Variants in TTLL7 observed in about 807,000 individuals in gnomAD.
TTLL7 encodes tubulin tyrosine ligase like 7.
TTLL7 carries 53 observed loss-of-function variants against 120.2 expected under a neutral mutation model. The observed-to-expected ratio is 0.44, with a 90% CI of 0.35 to 0.55. The LOEUF (loss-of-function observed/expected upper bound fraction) is 0.55, where lower values mean the gene tolerates loss of function less well. TTLL7 is among the 20% of genes least tolerant of loss of function. The pLI, the probability that TTLL7 is intolerant of heterozygous loss-of-function variation, is 0.00. For missense variants in TTLL7, 803 were observed against 1,054.7 expected, an observed-to-expected ratio of 0.76 and a Z score of 3.31; for synonymous variants, 353 against 351.7, an observed-to-expected ratio of 1.00 and a Z score of -0.04.
At chr1:83,880,406 CTT>C (rs1473832273) in intron 20 of TTLL7, 1 of 151,924 alleles carries the variant, frequency 6.6e-6, no homozygotes, top group Non-Finnish European at 1.5e-5. Context: ...AAATATTTCT[CTT>C]AATACTTTCT....
Position 83,903,527 on chromosome 1 carries a change from T to C in TTLL7, c.2208+552A>G, listed in dbSNP as rs1056797089. On this transcript the variant is annotated intron_variant, in intron 18 of 20. Coordinates refer to ENST00000260505, the MANE Select transcript of TTLL7 (RefSeq NM_024686.6). ...ATAGCAAAATCCATGGATGCTCAAG[T>C]CCATGATATAAAATGGTGGAATATT... Among the ~76,000 whole-genome samples, 11 of 151,986 alleles carry C rather than the reference T, an allele frequency of 7.2e-5. No homozygotes were observed. In the East Asian group the frequency reaches 2.1e-3, roughly 29 times the overall value.
chr1:83,939,332 A>G (rs1647714844), intron 7 of TTLL7, among the ~76,000 whole-genome samples: 1 of 152,218 alleles, frequency 6.6e-6, no homozygotes, highest in Non-Finnish European at 1.5e-5. Context: ...TTTGGAAAAT[A>G]ATTTTGTAAG....
At chr1:83,943,120 C>G (rs190608637) in intron 6 of TTLL7, among the ~76,000 whole-genome samples, 1 of 152,146 alleles carries the variant, frequency 6.6e-6, no homozygotes, top group Admixed American at 6.5e-5. Context: ...TAACTTGGAA[C>G]TTTACCAGTG....
At chr1:83,919,898 C>G in intron 12 of TTLL7, 64 bp from the exon 13 acceptor site, 1 of 1,497,316 alleles carries the variant, frequency 6.7e-7, no homozygotes, top group South Asian at 1.2e-5. Flanking sequence ...TAGTTAACAT[C>G]AACTCCATAG....
intron 6 of TTLL7, among the ~76,000 whole-genome samples, chr1:83,943,264 A>C (rs1231800159): frequency 6.6e-6 from 1 of 152,212 alleles, no homozygotes; most frequent in Non-Finnish European, 1.5e-5. Context: ...GGAAGGGCTG[A>C]GCAATGAGAA....
chr1:83,883,381 G>A (rs1402701450), intron 19 of TTLL7, among the ~76,000 whole-genome samples: 1 of 151,948 alleles, frequency 6.6e-6, no homozygotes, highest in Non-Finnish European at 1.5e-5. Flanking sequence ...GTGGGTGTGT[G>A]TTTGTATGTG....
intron 1 of TTLL7, chr1:83,980,378 C>G (rs1238045678): frequency 6.6e-6 from 1 of 152,226 alleles, no homozygotes; most frequent in African/African-American, 2.4e-5. Context: ...AATCCTCCCA[C>G]CTCAACTTCC....
At chr1:83,978,314 T>C (rs994171131) in intron 1 of TTLL7, among the ~76,000 whole-genome samples, 13 of 152,156 alleles carry the variant, frequency 8.5e-5, no homozygotes, top group Non-Finnish European at 1.3e-4. Flanking sequence ...TCCCAATCCT[T>C]TTTAGCTAGC....
intron 7 of TTLL7, among the ~76,000 whole-genome samples, chr1:83,940,987 C>A (rs890772391): frequency 6.6e-6 from 1 of 152,126 alleles, no homozygotes; most frequent in Admixed American, 6.5e-5. Flanking sequence ...CTGTGAACAG[C>A]CACTCCTTCT....
At chr1:83,892,675 C>CATATGAATGAACATATATATGAAA (rs1655756132) in intron 18 of TTLL7, among the ~76,000 whole-genome samples, 1 of 142,988 alleles carries the variant, frequency 7.0e-6, no homozygotes, top group Non-Finnish European at 1.5e-5. Flanking sequence ...TATATATGAA[C>CATATGAATGAACATATATATGAAA]ATATGAACAT....
At chr1:83,942,750 C>T in intron 6 of TTLL7, 71 bp from the exon 7 acceptor site, 3 of 1,139,428 alleles carry the variant, frequency 2.6e-6, no homozygotes, top group Non-Finnish European at 3.7e-6. Context: ...TATAGATATA[C>T]TCAAATGGAA....
chr1:83,989,867 C>A (rs903140814), intron 1 of TTLL7, among the ~76,000 whole-genome samples: 1 of 152,022 alleles, frequency 6.6e-6, no homozygotes, highest in East Asian at 1.9e-4. Flanking sequence ...GCTGTCCTTG[C>A]AGAGATCTTT....
chr1:83,993,437 T>G (rs757471737), intron 1 of TTLL7, among the ~76,000 whole-genome samples: 2 of 152,220 alleles, frequency 1.3e-5, no homozygotes, highest in Non-Finnish European at 1.5e-5. Flanking sequence ...GCTCACACTC[T>G]GCAAAATAGG....
chr1:83,991,660 A>G (rs1653013690), intron 1 of TTLL7, among the ~76,000 whole-genome samples: 1 of 152,032 alleles, frequency 6.6e-6, no homozygotes, highest in South Asian at 2.1e-4. Flanking sequence ...GAAAATATAT[A>G]TATATTAAAA....
chr1:83,872,923 A>T (rs1322334269), intron 20 of TTLL7, among the ~76,000 whole-genome samples: 1 of 152,184 alleles, frequency 6.6e-6, no homozygotes, highest in African/African-American at 2.4e-5. Context: ...AGGGTCTCCT[A>T]CCTAGTAAGT....
At chr1:83,910,197 G>C (rs560637528) in intron 15 of TTLL7, among the ~76,000 whole-genome samples, 1 of 152,164 alleles carries the variant, frequency 6.6e-6, no homozygotes, top group Non-Finnish European at 1.5e-5. Flanking sequence ...GCATTTTGCC[G>C]TAAGTGTTTA....
intron 10 of TTLL7, among the ~76,000 whole-genome samples, chr1:83,925,174 C>T (rs576026537): frequency 6.6e-6 from 1 of 151,398 alleles, no homozygotes; most frequent in East Asian, 1.9e-4. Flanking sequence ...CAAATAGATA[C>T]CTCTATCTCC....
chr1:83,992,397 A>C (rs944240930), intron 1 of TTLL7, among the ~76,000 whole-genome samples: 2 of 152,164 alleles, frequency 1.3e-5, no homozygotes, highest in Non-Finnish European at 2.9e-5. Context: ...GTTTAAAAAA[A>C]ATTCAGTTAA....
intron 12 of TTLL7, among the ~76,000 whole-genome samples, chr1:83,920,251 G>C (rs1047977573): frequency 2.0e-5 from 3 of 152,104 alleles, no homozygotes; most frequent in African/African-American, 7.2e-5. Context: ...GTTTAGTTGG[G>C]GGGAAATGGT....
Sources: allele counts gnomAD v4.1 joint callset (sites outside exome capture counted in the v4.1 genomes callset), GRCh38; gene constraint gnomAD v4.1.1; transcripts MANE v1.5; gene names NCBI Gene and HGNC (gene_info 2026-07-23, HGNC 2026-07-21).